SHC3: variants seen among roughly 807,000 people sequenced by gnomAD.
SHC3 encodes the protein SHC adaptor protein 3, also known as SHC-transforming protein 3.
Under a neutral mutation model 60.4 loss-of-function variants are expected in SHC3, and 15 were observed. The ratio of observed to expected loss-of-function variants is 0.25; its 90% CI spans 0.17 to 0.38. The LOEUF (loss-of-function observed/expected upper bound fraction) is 0.38, where lower values mean the gene tolerates loss of function less well. Ranked by LOEUF, SHC3 falls within the 10% of genes least tolerant of loss-of-function variation. SHC3 has a pLI of 1.00. For synonymous variants in SHC3, 294 were observed against 325.9 expected, an observed-to-expected ratio of 0.90 and a Z score of 1.05; for missense variants, 677 against 786.1, an observed-to-expected ratio of 0.86 and a Z score of 1.66.
At chr9:89,148,061 G>GA (rs1391215269) in intron 1 of SHC3, among the ~76,000 whole-genome samples, 6 of 152,330 alleles carry the variant, frequency 3.9e-5, no homozygotes, top group African/African-American at 1.4e-4. Flanking sequence ...AGTAGGACTG[G>GA]AAAGCTGATA....
chr9:89,028,718 ATAGAGAATATATATTCTC>A, intron 11 of SHC3, among the ~76,000 whole-genome samples: 1 of 144,534 alleles, frequency 6.9e-6, no homozygotes, highest in Admixed American at 7.0e-5. Flanking sequence ...ATATATCTAT[ATAGAGAATATATATTCTC>A]TATATAGATA....
intron 2 of SHC3, among the ~76,000 whole-genome samples, chr9:89,088,327 C>T (rs968227907): frequency 2.4e-4 from 37 of 152,316 alleles, no homozygotes; most frequent in African/African-American, 8.4e-4. Context: ...CTGGACTGAA[C>T]CAATGTACAC....
At chr9:89,071,017 A>G (rs935357697) in intron 5 of SHC3, among the ~76,000 whole-genome samples, 182 bp downstream of exon 5, 1 of 152,184 alleles carries the variant, frequency 6.6e-6, no homozygotes, top group African/African-American at 2.4e-5. Flanking sequence ...GGTCCTTGTC[A>G]CAGCTTACCC....
chr9:89,037,983 G>C lies in SHC3; in HGVS notation c.1656+10C>G. The C allele has an allele frequency of 6.2e-7, 1 of 1,604,014 alleles. No individual in the cohort carries two copies. Among genetic ancestry groups the C allele is most frequent in the South Asian group, 1.1e-5 (1 of 90,990 alleles). On this transcript the variant is annotated intron_variant, in intron 11 of 11. Coordinates refer to ENST00000375835, the MANE Select transcript of SHC3 (RefSeq NM_016848.6). ...TGGCAGGTCCGGCCCCACCCCCACT[G>C]GGTGCTCACCGTGCCTTCTGGGTCC...
At chr9:89,156,492 C>A (rs1290520210) in intron 1 of SHC3, among the ~76,000 whole-genome samples, 1 of 151,992 alleles carries the variant, frequency 6.6e-6, no homozygotes, top group Non-Finnish European at 1.5e-5. Flanking sequence ...TTTTTTTAAT[C>A]TTCGGTGCAT....
chr9:89,053,908 C>T (rs1824903168), intron 6 of SHC3, among the ~76,000 whole-genome samples: 1 of 152,188 alleles, frequency 6.6e-6, no homozygotes, highest in South Asian at 2.1e-4. Context: ...CCTCGTTCCC[C>T]TGACCTGTCC....
chr9:89,069,456 A>G (rs553786912), intron 5 of SHC3, among the ~76,000 whole-genome samples: 72 of 152,390 alleles, frequency 4.7e-4, no homozygotes, highest in African/African-American at 1.6e-3. Context: ...AGAGAAAGCC[A>G]TTGTGGTTGA....
intron 2 of SHC3, among the ~76,000 whole-genome samples, chr9:89,084,201 T>G (rs1269700609): frequency 1.3e-5 from 2 of 152,196 alleles, no homozygotes; most frequent in Non-Finnish European, 2.9e-5. Flanking sequence ...CCCTTACACC[T>G]TAGCAGTTCA....
chr9:89,083,453 G>T (rs1289777608), intron 2 of SHC3, among the ~76,000 whole-genome samples: 1 of 152,174 alleles, frequency 6.6e-6, no homozygotes, highest in Non-Finnish European at 1.5e-5. Context: ...AACCATGGAG[G>T]TTTCTGATTC....
At chr9:89,142,642 C>G (rs578033865) in intron 1 of SHC3, among the ~76,000 whole-genome samples, 1 of 149,588 alleles carries the variant, frequency 6.7e-6, no homozygotes, top group East Asian at 2.0e-4. Flanking sequence ...CACGACTGCA[C>G]TCCAGCCTGG....
In SHC3 at chr9:89,120,270, A is replaced by T. The variant is rs549671577; in HGVS notation, c.475-7644T>A. On this transcript the variant is annotated intron_variant, in intron 1 of 11. Transcript: ENST00000375835. Reference sequence around the variant, plus strand: ...TTTTGTAAAACAAAACAAATGACATAGGTAGCATGAAAAGGCAAGTGAAAG... The same window carrying T: ...TTTTGTAAAACAAAACAAATGACATTGGTAGCATGAAAAGGCAAGTGAAAG... Among the ~76,000 whole-genome samples, 2 of 152,354 alleles carry T rather than the reference A, an allele frequency of 1.3e-5. 1 individual carries two copies. The highest frequency in any genetic ancestry group is 4.1e-4 in the South Asian group (2 of 4,830).
intron 7 of SHC3, 50 bp downstream of exon 7, chr9:89,051,987 G>C (rs755269697): frequency 1.2e-6 from 2 of 1,603,948 alleles, no homozygotes; most frequent in East Asian, 4.5e-5. Flanking sequence ...AAGAGGAAAG[G>C]TCATAAAACC....
intron 2 of SHC3, among the ~76,000 whole-genome samples, chr9:89,103,346 G>T (rs1015035977): frequency 1.3e-5 from 2 of 152,192 alleles, no homozygotes; most frequent in African/African-American, 4.8e-5. Context: ...TTGAGTTTGG[G>T]AGACCACGTG....
intron 11 of SHC3, among the ~76,000 whole-genome samples, chr9:89,021,437 AG>A (rs1167934645): frequency 6.6e-6 from 1 of 152,226 alleles, no homozygotes; most frequent in Non-Finnish European, 1.5e-5. Context: ...GACCAAAGAC[AG>A]CACCAGATCG....
intron 2 of SHC3, among the ~76,000 whole-genome samples, chr9:89,080,575 G>A (rs1011022140): frequency 1.3e-5 from 2 of 152,036 alleles, no homozygotes; most frequent in African/African-American, 4.8e-5. Context: ...TAGAGAAAGA[G>A]ATACCCAAGA....
In SHC3 at chr9:89,097,650, A is replaced by G. The variant is rs1434792770; in HGVS notation, c.545+14906T>C. 6.6e-5 allele frequency among the ~76,000 whole-genome samples: 10 copies of G among 152,324 alleles called. No homozygotes were observed. In the East Asian group the frequency reaches 1.9e-3, roughly 29 times the overall value. ...TCCTGAAAATTTAAGATTTCAACAA[A>G]TAATGATTGAGCACCTACTATGTGC... On this transcript the variant is annotated intron_variant, in intron 2 of 11. Coordinates refer to ENST00000375835, the MANE Select transcript of SHC3 (RefSeq NM_016848.6).
At chr9:89,149,667 G>A (rs1164069414) in intron 1 of SHC3, among the ~76,000 whole-genome samples, 1 of 151,984 alleles carries the variant, frequency 6.6e-6, no homozygotes, top group Non-Finnish European at 1.5e-5. Context: ...TTTATATTGA[G>A]GTATAATTCA....
intron 2 of SHC3, among the ~76,000 whole-genome samples, chr9:89,106,324 G>C (rs1393736088): frequency 6.6e-6 from 1 of 152,254 alleles, no homozygotes; most frequent in Non-Finnish European, 1.5e-5. Flanking sequence ...AATTTAGAGA[G>C]TCAGACATGG....
At chr9:89,035,851 ATGTGTGTGTGTGTG>A (rs34601277) in intron 11 of SHC3, among the ~76,000 whole-genome samples, 10 of 128,510 alleles carry the variant, frequency 7.8e-5, no homozygotes, top group African/African-American at 2.3e-4. Context: ...ATATATATAG[ATGTGTGTGTGTGTG>A]TGTGTGTGTG....
Sources: allele counts gnomAD v4.1 joint callset (sites outside exome capture counted in the v4.1 genomes callset), GRCh38; gene constraint gnomAD v4.1.1; transcripts MANE v1.5; gene names NCBI Gene and HGNC (gene_info 2026-07-23, HGNC 2026-07-21).